TTC28: variants seen among roughly 807,000 people sequenced by gnomAD.
TTC28 encodes tetratricopeptide repeat protein 28.
In TTC28, 61 loss-of-function variants were observed where a neutral mutation model predicts 198.0. That is an observed-to-expected ratio of 0.31 (90% confidence interval 0.25 to 0.38). TTC28 has a LOEUF of 0.38. Among genes scored for constraint, TTC28 ranks in the 10% least tolerant of loss-of-function variants. The probability of loss-of-function intolerance (pLI) is 1.00; values close to 1 mark genes in which losing one functional copy is unlikely to be tolerated. For missense variants in TTC28, 2,678 were observed against 3,164.0 expected (o/e 0.85, Z 3.69); for synonymous variants, 1,171 against 1,297.8 (o/e 0.90, Z 2.10).
chr22:28,123,753 C>T (rs549606998), intron 6 of TTC28, among the ~76,000 whole-genome samples: 4 of 151,838 alleles, frequency 2.6e-5, no homozygotes, highest in Admixed American at 1.3e-4. Flanking sequence ...GAGGCCGAGG[C>T]GGGTGGATTG....
chr22:28,446,932 T>C (rs1271031273), intron 2 of TTC28, among the ~76,000 whole-genome samples: 7 of 152,234 alleles, frequency 4.6e-5, no homozygotes, highest in Non-Finnish European at 1.0e-4. Context: ...ACTATGATTT[T>C]ATAGAGCTGT....
intron 2 of TTC28, among the ~76,000 whole-genome samples, chr22:28,551,498 C>T (rs1263978715): frequency 6.6e-6 from 1 of 152,008 alleles, no homozygotes; most frequent in Non-Finnish European, 1.5e-5. Context: ...ACTAGCAAAC[C>T]AAATCCAACA....
intron 2 of TTC28, among the ~76,000 whole-genome samples, chr22:28,438,836 G>GTT (rs2047565903): frequency 6.6e-6 from 1 of 152,296 alleles, no homozygotes; most frequent in African/African-American, 2.4e-5. Context: ...GGCCAATAAG[G>GTT]TTATATGAAT....
intron 1 of TTC28, among the ~76,000 whole-genome samples, chr22:28,673,138 G>A (rs1266107683): frequency 1.3e-5 from 2 of 152,154 alleles, no homozygotes; most frequent in Admixed American, 6.5e-5. Flanking sequence ...ACTTTGGGAG[G>A]CTGAGGCGGG....
chr22:28,031,419 G>A (rs1474205063), intron 12 of TTC28, among the ~76,000 whole-genome samples: 6 of 152,222 alleles, frequency 3.9e-5, no homozygotes, highest in Admixed American at 1.3e-4. Context: ...CTAAGGACCG[G>A]TGTGAAGAAG....
intron 2 of TTC28, among the ~76,000 whole-genome samples, chr22:28,415,624 G>A (rs982802762): frequency 1.2e-4 from 18 of 152,204 alleles, no homozygotes; most frequent in African/African-American, 4.3e-4. Flanking sequence ...AGTCCTCTGA[G>A]ACAGGCAAAG....
At chr22:28,527,400 G>C (rs2049023770) in intron 2 of TTC28, among the ~76,000 whole-genome samples, 1 of 152,136 alleles carries the variant, frequency 6.6e-6, no homozygotes, top group Admixed American at 6.5e-5. Context: ...TCCCATGTCA[G>C]TCATGAGTTG....
chr22:28,338,946 C>A (rs1045815309), intron 2 of TTC28, among the ~76,000 whole-genome samples: 1 of 152,156 alleles, frequency 6.6e-6, no homozygotes, highest in East Asian at 1.9e-4. Context: ...GGAGGAGAGG[C>A]GCTCTGATTT....
At chr22:28,023,774 C>T (rs1393529277) in intron 13 of TTC28, among the ~76,000 whole-genome samples, 4 of 152,126 alleles carry the variant, frequency 2.6e-5, no homozygotes, top group African/African-American at 4.8e-5. Flanking sequence ...CCTGTGGGGC[C>T]GGAGCACTGT....
At chr22:28,226,114 T>A (rs1483349634) in intron 5 of TTC28, among the ~76,000 whole-genome samples, 4 of 152,220 alleles carry the variant, frequency 2.6e-5, no homozygotes, top group African/African-American at 9.6e-5. Flanking sequence ...CATGTACAAA[T>A]CTTTGTGTAG....
intron 1 of TTC28, among the ~76,000 whole-genome samples, chr22:28,645,652 G>A (rs1011445413): frequency 2.0e-5 from 3 of 150,864 alleles, no homozygotes; most frequent in East Asian, 1.9e-4. Context: ...AAGATAATTC[G>A]CCATGATCAA....
intron 13 of TTC28, among the ~76,000 whole-genome samples, chr22:28,025,279 T>C (rs1051226701): frequency 3.3e-5 from 5 of 152,168 alleles, no homozygotes; most frequent in African/African-American, 1.2e-4. Context: ...AGAAACTACT[T>C]ACTACACAGC....
At chr22:28,177,843 G>A (rs1361249010) in intron 5 of TTC28, among the ~76,000 whole-genome samples, 1 of 152,162 alleles carries the variant, frequency 6.6e-6, no homozygotes, top group Admixed American at 6.5e-5. Context: ...CAGTTGCAAG[G>A]GAGTTGGGGG....
At position 28,147,133 on chromosome 22, in the gene TTC28, C is replaced by G. The variant is rs141492202; in HGVS notation, c.1441+15959G>C. On this transcript the variant is annotated intron_variant, in intron 6 of 22. Coordinates refer to ENST00000397906, the MANE Select transcript of TTC28 (RefSeq NM_001145418.2). ...CCAAAAGTTGCATTCCAGCTTTCAT[C>G]TAATTCAACAAATGTATTTTCTGCT... Among the ~76,000 whole-genome samples, 24 of 152,336 alleles carry G rather than the reference C, an allele frequency of 1.6e-4. No individual in the cohort carries two copies. The East Asian group carries it at 4.4e-3, about 28-fold the overall frequency.
intron 5 of TTC28, among the ~76,000 whole-genome samples, chr22:28,259,472 A>G (rs1343235895): frequency 6.6e-6 from 1 of 152,108 alleles, no homozygotes; most frequent in Non-Finnish European, 1.5e-5. Context: ...ACTAGAGATA[A>G]CAGAGTAACT....
Position 28,303,559 on chromosome 22 carries a change from A to G in TTC28, c.529+2937T>C, listed in dbSNP as rs192098835. ...ATAATAAAAAATCAAATGAGCATCA[A>G]TGTGGACAAATATAACGTATTTATA... On this transcript the variant is annotated intron_variant, in intron 3 of 22. Transcript: ENST00000397906. Among the ~76,000 whole-genome samples, 58 of 152,320 alleles carry G rather than the reference A, an allele frequency of 3.8e-4. No individual in the cohort carries two copies. In the East Asian group the frequency reaches 8.9e-3, roughly 23 times the overall value.
At chr22:28,361,127 T>G (rs2046151806) in intron 2 of TTC28, among the ~76,000 whole-genome samples, 1 of 152,194 alleles carries the variant, frequency 6.6e-6, no homozygotes, top group Non-Finnish European at 1.5e-5. Flanking sequence ...GGCCTCTAAG[T>G]GTTCAAGTGA....
In TTC28 at chr22:28,278,267, T is replaced by C. The variant is rs1020676277; in HGVS notation, c.933+17931A>G. 6.6e-5 allele frequency among the ~76,000 whole-genome samples: 10 copies of C among 152,222 alleles called. No homozygotes were observed. In the South Asian group the frequency reaches 1.2e-3, roughly 19 times the overall value. ...GCTCTGGGTTTTTATGGGAATAACATGAAATAATGTACACAAAAATGAGAA... is the reference window on the plus strand; with the variant it reads ...GCTCTGGGTTTTTATGGGAATAACACGAAATAATGTACACAAAAATGAGAA... On this transcript the variant is annotated intron_variant, in intron 5 of 22. Coordinates refer to ENST00000397906, the MANE Select transcript of TTC28 (RefSeq NM_001145418.2).
At chr22:28,394,051 T>C (rs774223887) in intron 2 of TTC28, among the ~76,000 whole-genome samples, 6 of 152,154 alleles carry the variant, frequency 3.9e-5, no homozygotes, top group Non-Finnish European at 7.4e-5. Flanking sequence ...CACTTCCAAA[T>C]AGCTCCACAT....
Sources: allele counts gnomAD v4.1 joint callset (sites outside exome capture counted in the v4.1 genomes callset), GRCh38; gene constraint gnomAD v4.1.1; transcripts MANE v1.5; gene names NCBI Gene and HGNC (gene_info 2026-07-23, HGNC 2026-07-21).